The following PABPC4L variants were observed in gnomAD, a reference collection of about 807,000 sequenced individuals.
PABPC4L encodes poly(A) binding protein cytoplasmic 4 like.
For synonymous variants in PABPC4L, 169 were observed against 164.1 expected (o/e 1.03, Z -0.23); for missense variants, 452 against 451.4 (o/e 1.00, Z -0.01).
At chr4:134,058,290 T>C in the PABPC4L span, among the ~76,000 whole-genome samples, 1 of 152,190 alleles carries the variant, frequency 6.6e-6, no homozygotes, top group Middle Eastern at 3.4e-3. Context: ...TTTTCCAAAA[T>C]TTATCTAAAA....
the PABPC4L span, among the ~76,000 whole-genome samples, chr4:134,141,814 A>G: frequency 2.0e-5 from 3 of 151,712 alleles, no homozygotes; most frequent in Admixed American, 1.3e-4. Flanking sequence ...GTCATCAAGG[A>G]TGGAAAATGC....
the PABPC4L span, among the ~76,000 whole-genome samples, chr4:133,952,814 T>A: frequency 2.6e-5 from 4 of 152,278 alleles, no homozygotes; most frequent in African/African-American, 9.6e-5. Flanking sequence ...CCAAGGAAGC[T>A]AGTTTCTGCG....
chr4:134,037,265 T>A, the PABPC4L span, among the ~76,000 whole-genome samples: 1 of 152,042 alleles, frequency 6.6e-6, no homozygotes. Flanking sequence ...TATTGACCCT[T>A]TACATCCGTG....
the PABPC4L span, among the ~76,000 whole-genome samples, chr4:134,108,644 A>T: frequency 1.2e-3 from 175 of 151,908 alleles, 1 homozygote; most frequent in African/African-American, 3.9e-3. Flanking sequence ...TTATGATCTT[A>T]ATTATGATTT....
chr4:134,026,620 TC>T, the PABPC4L span, among the ~76,000 whole-genome samples: 36 of 151,650 alleles, frequency 2.4e-4, no homozygotes, highest in Non-Finnish European at 4.6e-4. Context: ...TTGAATTGTG[TC>T]CCCCCCCAAA....
chr4:134,188,435 A>G, the PABPC4L span, among the ~76,000 whole-genome samples: 2 of 152,128 alleles, frequency 1.3e-5, no homozygotes, highest in Non-Finnish European at 2.9e-5. Flanking sequence ...TTATTGACTT[A>G]TAACATTTCC....
the PABPC4L span, among the ~76,000 whole-genome samples, chr4:134,168,354 T>C: frequency 6.6e-6 from 1 of 151,792 alleles, no homozygotes. Context: ...ATGATGCATC[T>C]TAAAGAAGTA....
chr4:134,024,728 A>G, the PABPC4L span, among the ~76,000 whole-genome samples: 1 of 113,490 alleles, frequency 8.8e-6, no homozygotes, highest in Non-Finnish European at 1.7e-5. Flanking sequence ...CTCAGATTCA[A>G]TATATTTTTT....
At position 134,200,437 on chromosome 4, in the gene PABPC4L, T is replaced by C; in HGVS notation, c.583A>G (p.Lys195Glu). ...TCATCCATGTCACCTCCAAAGTTTT[T>C]TATGTAAACATTGGTGAATTCACTG... is the stretch of plus-strand genomic sequence containing the variant. ...KASEFTNVYI[K>E]NFGGDMDDER... The change falls in exon 2 of 2, where the codon AAA becomes GAA. Residue 195 changes from lysine (K) to glutamate (E), a missense_variant. Physicochemically the swap from Lys to Glu is moderately conservative, Grantham distance 56 (BLOSUM62 1). Transcript: ENST00000421491. The C allele has an allele frequency of 6.4e-7, 1 of 1,552,462 alleles. No individual in the cohort carries two copies. The highest frequency in any genetic ancestry group is 1.2e-5 in the South Asian group (1 of 84,132).
chr4:133,960,265 G>A, the PABPC4L span, among the ~76,000 whole-genome samples: 1 of 152,162 alleles, frequency 6.6e-6, no homozygotes, highest in South Asian at 2.1e-4. Flanking sequence ...CTGCAGAAGT[G>A]GGAAAGGAAG....
In PABPC4L at chr4:134,200,445, A is replaced by ATAT; in HGVS notation, c.574_575insATA (p.Val192delinsAspIle). The ATAT allele has an allele frequency of 6.4e-7, 1 of 1,551,966 alleles. No homozygotes were observed. The highest frequency in any genetic ancestry group is 8.7e-7 in the Non-Finnish European group (1 of 1,147,106). On this transcript the variant is annotated protein_altering_variant, in exon 2 of 2. Coordinates refer to ENST00000421491, the MANE Select transcript of PABPC4L (RefSeq NM_001114734.2). ...GTCACCTCCAAAGTTTTTTATGTAA[A>ATAT]CATTGGTGAATTCACTGGCTTTGCT...
the PABPC4L span, among the ~76,000 whole-genome samples, chr4:134,036,323 C>T: frequency 6.6e-6 from 1 of 152,006 alleles, no homozygotes; most frequent in African/African-American, 2.4e-5. Context: ...ATTTTAACTG[C>T]ACAGATAAAG....
the PABPC4L span, among the ~76,000 whole-genome samples, chr4:134,187,574 A>G: frequency 6.6e-6 from 1 of 151,594 alleles, no homozygotes; most frequent in Non-Finnish European, 1.5e-5. Context: ...GGATAGCATT[A>G]GGAGATATAC....
At chr4:134,159,061 C>T in the PABPC4L span, among the ~76,000 whole-genome samples, 2 of 152,094 alleles carry the variant, frequency 1.3e-5, no homozygotes, top group Admixed American at 6.6e-5. Flanking sequence ...CTGCATAGGG[C>T]ACTTATCATG....
At chr4:134,164,889 G>A in the PABPC4L span, among the ~76,000 whole-genome samples, 1 of 152,152 alleles carries the variant, frequency 6.6e-6, no homozygotes, top group Non-Finnish European at 1.5e-5. Context: ...CATGGGCATA[G>A]TTACCAAAAT....
rs1338890848 is a variant in PABPC4L at position 134,197,308 on chromosome 4, T to G, written c.*2599A>C. 1 of 151,756 alleles carries G rather than the reference T, an allele frequency of 6.6e-6. No individual in the cohort carries two copies. Among genetic ancestry groups the G allele is most frequent in the Non-Finnish European group, 1.5e-5 (1 of 67,664 alleles). 9.4% of individuals were successfully genotyped at this position (151,756 alleles called of 1,614,324 possible). The stretch of plus-strand genomic sequence containing the variant: ...TAAAATATTTACTATAGGTTTTATA[T>G]AAGATACTTTTTATGAACCAAAATT... On this transcript the variant is annotated 3_prime_UTR_variant, in exon 2 of 2. Transcript: ENST00000421491.
chr4:133,966,403 C>T, the PABPC4L span, among the ~76,000 whole-genome samples: 168 of 152,232 alleles, frequency 1.1e-3, no homozygotes, highest in Non-Finnish European at 2.0e-3. Context: ...GTGGAGATTC[C>T]TTAAAGAACT....
In PABPC4L at chr4:134,196,863, A is replaced by T. The variant is rs1729675783; in HGVS notation, c.*3044T>A. The T allele has an allele frequency of 6.6e-6, 1 of 151,576 alleles. No individual in the cohort carries two copies. The highest frequency in any genetic ancestry group is 2.4e-5 in the African/African-American group (1 of 41,374). The allele number at this position is 151,576 out of a possible 1,614,324, so 9.4% of individuals were successfully genotyped here. A position where few individuals can be genotyped will look rare whatever the true frequency, so the allele number is the denominator to read the frequency against. On this transcript the variant is annotated 3_prime_UTR_variant, in exon 2 of 2. Transcript: ENST00000421491. ...TGGAAATAAGCAATTTCTACTAAGA[A>T]GGCAGATTATTGTGTAATTAAGCCA...
the PABPC4L span, among the ~76,000 whole-genome samples, chr4:134,102,678 C>T: frequency 1.5e-4 from 22 of 151,460 alleles, no homozygotes; most frequent in South Asian, 4.1e-4. Context: ...TAAACGTTTG[C>T]TGAAGTTTTA....
Sources: allele counts gnomAD v4.1 joint callset (sites outside exome capture counted in the v4.1 genomes callset), GRCh38; gene constraint gnomAD v4.1.1; transcripts MANE v1.5; gene names NCBI Gene and HGNC (gene_info 2026-07-23, HGNC 2026-07-21).